SYCP2: variants seen among roughly 807,000 people sequenced by gnomAD.
SYCP2 encodes the protein synaptonemal complex lateral element protein.
A neutral mutation model predicts 211.3 loss-of-function variants in SYCP2; 55 were observed. That is an observed-to-expected ratio of 0.26 (90% CI 0.21 to 0.33). SYCP2 has a LOEUF of 0.33. SYCP2 is among the 10% of genes least tolerant of loss of function. The probability of loss-of-function intolerance (pLI) is 1.00; values close to 1 mark genes in which losing one functional copy is unlikely to be tolerated. For synonymous variants in SYCP2, 570 were observed against 555.2 expected (o/e 1.03, Z -0.37); for missense variants, 1,731 against 1,752.0 (o/e 0.99, Z 0.21).
intron 7 of SYCP2, among the ~76,000 whole-genome samples, chr20:59,918,898 T>C (rs188383902): frequency 6.6e-6 from 1 of 152,256 alleles, no homozygotes; most frequent in Admixed American, 6.5e-5. Flanking sequence ...ATATTTTCAA[T>C]GGCATCAATA....
Position 59,911,692 on chromosome 20 carries a change from A to C in SYCP2, c.972+58T>G, listed in dbSNP as rs16983277. ...TAAAGAAATCCACATTCTTAAAGTA[A>C]GTAAAAATCTTATATATGCATATAC... On this transcript the variant is annotated intron_variant, in intron 14 of 44. Coordinates refer to ENST00000357552, the MANE Select transcript of SYCP2 (RefSeq NM_014258.4). 2,118 of 706,540 alleles carry C rather than the reference A, an allele frequency of 3.0e-3. 38 individuals carry two copies. The African/African-American group carries it at 0.035, about 12-fold the overall frequency. 43.8% of individuals were successfully genotyped at this position (706,540 alleles called of 1,614,324 possible).
intron 28 of SYCP2, among the ~76,000 whole-genome samples, 163 bp downstream of exon 28, chr20:59,881,782 C>T (rs576936497): frequency 6.1e-4 from 90 of 146,870 alleles, no homozygotes; most frequent in Non-Finnish European, 1.0e-3. Context: ...AAAAAAAAGC[C>T]ACCTAAATAT....
chr20:59,919,045 G>A, intron 7 of SYCP2, 113 bp downstream of exon 7: 1 of 532,068 alleles, frequency 1.9e-6, no homozygotes. Flanking sequence ...GTTGATCCTT[G>A]AATCAGATAA....
intron 5 of SYCP2, 89 bp from the exon 6 acceptor site, chr20:59,919,686 A>G: frequency 1.5e-6 from 1 of 663,846 alleles, no homozygotes; most frequent in Non-Finnish European, 2.4e-6. Flanking sequence ...AAACCTAGGA[A>G]TAAAGACACA....
chr20:59,873,948 C>A lies in SYCP2; in HGVS notation c.3463G>T (p.Val1155Phe). The A allele has an allele frequency of 1.2e-6, 2 of 1,613,316 alleles. No individual in the cohort carries two copies. The highest frequency in any genetic ancestry group is 1.7e-6 in the Non-Finnish European group (2 of 1,179,572). The change falls in exon 35 of 45, where the codon GTT becomes TTT. Residue 1155 changes from valine (V) to phenylalanine (F), a missense_variant. Physicochemically the swap from Val to Phe is conservative, Grantham distance 50. Around this residue, in one of 3 missense-constraint regions of SYCP2, gnomAD observed 1,387 missense variants for 1,351.3 expected, o/e 1.03. Coordinates refer to ENST00000357552, the MANE Select transcript of SYCP2 (RefSeq NM_014258.4). Reference protein sequence around the residue: ...SLESLNSNSGVGGTIKSPKNN... With the variant: ...SLESLNSNSGFGGTIKSPKNN... ...TTGGGTGACTTTATTGTACCTCCAA[C>A]TCCACTGTTACTATTTAAGGATTCA...
chr20:59,873,562 T>C (rs80024155), intron 35 of SYCP2, among the ~76,000 whole-genome samples: 11,530 of 152,168 alleles, frequency 0.076, 690 homozygotes, highest in Admixed American at 0.097. Flanking sequence ...CAGACCACAG[T>C]TGACTGTAGG....
chr20:59,885,556 AAGAGT>A (rs2059769998), intron 26 of SYCP2, among the ~76,000 whole-genome samples: 3 of 152,150 alleles, frequency 2.0e-5, no homozygotes, highest in Admixed American at 6.6e-5. Context: ...AGCCTGGATA[AAGAGT>A]AAAGGTTTTT....
chr20:59,895,585 C>T lies in SYCP2; in HGVS notation c.1517G>A (p.Arg506Gln), dbSNP rs775485548. 12 of 1,612,946 alleles carry T rather than the reference C, an allele frequency of 7.4e-6. No homozygotes were observed. The highest frequency in any genetic ancestry group is 5.0e-5 in the Admixed American group (3 of 59,922). Residue 506 changes from arginine (R) to glutamine (Q), a missense_variant, in exon 20 of 45, where the codon CGA becomes CAA. This residue lies in a region of SYCP2 where 1,387 missense variants were observed against 1,351.3 expected (regional missense o/e 1.03). Transcript: ENST00000357552. ...VLFSNTSIPP[R>Q]RRRIKPPLQM... is the part of the protein sequence containing the mutation. ...CAGTGGTGGTTTAATTCTTCTTCTT[C>T]GTGGTGGTATTGCTAAAAAGGAGGA... is the stretch of plus-strand genomic sequence containing the variant.
chr20:59,918,827 G>A (rs1034695376), intron 7 of SYCP2, among the ~76,000 whole-genome samples: 12 of 151,942 alleles, frequency 7.9e-5, no homozygotes, highest in East Asian at 7.7e-4. Flanking sequence ...TTATTCTCTC[G>A]CAAAAAGAAT....
intron 34 of SYCP2, among the ~76,000 whole-genome samples, chr20:59,874,991 C>T (rs2059527109): frequency 6.6e-6 from 1 of 151,722 alleles, no homozygotes; most frequent in Admixed American, 6.6e-5. Flanking sequence ...AAATTAAGTA[C>T]TTTTTTAAGA....
In SYCP2 at chr20:59,892,771, T is replaced by C. The variant is rs989435283; in HGVS notation, c.1794-70A>G. 17 of 1,446,608 alleles carry C rather than the reference T, an allele frequency of 1.2e-5. No individual in the cohort carries two copies. In the Middle Eastern group the frequency reaches 7.5e-4, roughly 64 times the overall value. 89.6% of individuals were successfully genotyped at this position (1,446,608 alleles called of 1,614,324 possible). On this transcript the variant is annotated intron_variant, in intron 22 of 44. Transcript: ENST00000357552. ...GTGACTTTAAGACCTTGATTTTTAATGTAGTCAACGTTTACTGAAAGCGAT... is the reference window on the plus strand; with the variant it reads ...GTGACTTTAAGACCTTGATTTTTAACGTAGTCAACGTTTACTGAAAGCGAT...
At chr20:59,901,219 C>A (rs776655135) in intron 16 of SYCP2, among the ~76,000 whole-genome samples, 1 of 152,026 alleles carries the variant, frequency 6.6e-6, no homozygotes, top group Non-Finnish European at 1.5e-5. Context: ...TTTCCTTCAA[C>A]TTCAAAGGCC....
intron 32 of SYCP2, among the ~76,000 whole-genome samples, 191 bp downstream of exon 32, chr20:59,877,817 A>C (rs2059590277): frequency 6.6e-6 from 1 of 152,142 alleles, no homozygotes; most frequent in Non-Finnish European, 1.5e-5. Flanking sequence ...AATACCTAAA[A>C]GCACAGAATA....
At chr20:59,893,459 TA>T in intron 21 of SYCP2, 64 bp downstream of exon 21, 6 of 1,032,510 alleles carry the variant, frequency 5.8e-6, no homozygotes, top group Non-Finnish European at 7.3e-6. Context: ...GGTTAAATGG[TA>T]ATACAGGGAG....
intron 12 of SYCP2, 85 bp downstream of exon 12, chr20:59,913,890 A>C (rs1287683102): frequency 1.1e-6 from 1 of 946,990 alleles, no homozygotes; most frequent in Non-Finnish European, 1.6e-6. Context: ...GAATAAAGTT[A>C]AATGTATAAA....
chr20:59,908,157 G>A (rs2145816068), intron 14 of SYCP2, among the ~76,000 whole-genome samples: 1 of 152,280 alleles, frequency 6.6e-6, no homozygotes, highest in Non-Finnish European at 1.5e-5. Context: ...GCTGAGGCAG[G>A]AGAATGGCGT....
At chr20:59,921,040 T>C (rs1392093632) in intron 4 of SYCP2, among the ~76,000 whole-genome samples, 1 of 151,560 alleles carries the variant, frequency 6.6e-6, no homozygotes, top group African/African-American at 2.4e-5. Context: ...AGAGCTAAAG[T>C]ATTTTTTCCC....
rs770008166 is a variant in SYCP2, at chr20:59,914,263, A to T, written c.635-12T>A. 6.8e-7 allele frequency: 1 copy of T among 1,479,832 alleles called. No individual in the cohort carries two copies. Among genetic ancestry groups the T allele is most frequent in the East Asian group, 2.3e-5 (1 of 43,654 alleles). 91.7% of individuals were successfully genotyped at this position (1,479,832 alleles called of 1,614,324 possible). A position where few individuals can be genotyped will look rare whatever the true frequency, so the allele number is the denominator to read the frequency against. The stretch of plus-strand genomic sequence containing the variant: ...CTGTAAGTCATAATCTATTAAAAAA[A>T]TAGTTAATGTTTGATTTACAATTAT... On this transcript the variant is annotated splice_polypyrimidine_tract_variant and intron_variant, in intron 10 of 44. Transcript: ENST00000357552.
intron 24 of SYCP2, 37 bp from the exon 25 acceptor site, chr20:59,886,871 GT>G: frequency 6.7e-7 from 1 of 1,492,962 alleles, no homozygotes; most frequent in Non-Finnish European, 8.9e-7. Context: ...AACTCTACCA[GT>G]TAATCTTTAA....
Sources: gnomAD v4.1 joint callset for allele counts (sites outside exome capture counted in the v4.1 genomes callset) on GRCh38, gnomAD v4.1.1 for gene constraint, gnomAD v4.1.1 regional missense constraint, MANE v1.5 for transcripts, NCBI Gene and HGNC (gene_info 2026-07-23, HGNC 2026-07-21) for gene names.